The following EHMT1 variants were observed in gnomAD, a reference collection of about 807,000 sequenced individuals.
The protein encoded by EHMT1 is histone-lysine N-methyltransferase EHMT1.
Under a neutral mutation model 147.2 loss-of-function variants are expected in EHMT1, and 15 were observed. The ratio of observed to expected loss-of-function variants is 0.10; its 90% confidence interval spans 0.07 to 0.16. The LOEUF (loss-of-function observed/expected upper bound fraction) is 0.16. Ranked by LOEUF, EHMT1 falls within the 10% of genes least tolerant of loss-of-function variation. The pLI is 1.00. For missense variants in EHMT1, 1,587 were observed against 1,772.4 expected (o/e 0.90, Z 1.88); for synonymous variants, 795 against 709.6 (o/e 1.12, Z -1.91).
At chr9:137,792,461 T>C (rs745728895) in intron 16 of EHMT1, among the ~76,000 whole-genome samples, 6 of 151,916 alleles carry the variant, frequency 3.9e-5, no homozygotes, top group African/African-American at 7.3e-5. Context: ...TCCCAGCACG[T>C]TGGGAGGCTG....
chr9:137,634,672 G>C (rs186981235), intron 1 of EHMT1, among the ~76,000 whole-genome samples: 22 of 136,224 alleles, frequency 1.6e-4, no homozygotes, highest in African/African-American at 5.7e-4. Flanking sequence ...TTGCTTGCTT[G>C]CTTGCTTTTT....
chr9:137,813,050 A>G lies in EHMT1; in HGVS notation c.2912A>G (p.Glu971Gly). Residue 971 changes from glutamate (E) to glycine (G), a missense_variant, in exon 20 of 27, where the codon GAA becomes GGA. Glu to Gly is a moderately conservative substitution (Grantham distance 98). This residue lies in a region of EHMT1 where 201 missense variants were observed against 350.1 expected (regional missense o/e 0.57). Coordinates refer to ENST00000460843, the MANE Select transcript of EHMT1 (RefSeq NM_024757.5). This position sits in a 1 kb window ranked among gnomAD's most constrained non-coding sequence, Gnocchi z 4.9. ...RDSDVTLKNK[E>G]GETPLQCASL... ...TCAGATGTCACCTTAAAGAACAAGG[A>G]AGGAGAGACGCCCCTGCAGTGTGCG... 1 of 1,614,014 alleles carries G rather than the reference A, an allele frequency of 6.2e-7. No homozygotes were observed. Among genetic ancestry groups the G allele is most frequent in the Non-Finnish European group, 8.5e-7 (1 of 1,180,022 alleles).
chr9:137,659,867 C>T (rs77367755), intron 1 of EHMT1, among the ~76,000 whole-genome samples: 215 of 152,186 alleles, frequency 1.4e-3, no homozygotes, highest in African/African-American at 5.0e-3. Flanking sequence ...TGAGGCACTG[C>T]GCTTGGCCCC....
chr9:137,690,715 G>A (rs1049747569), intron 1 of EHMT1, among the ~76,000 whole-genome samples: 7 of 152,090 alleles, frequency 4.6e-5, no homozygotes, highest in South Asian at 2.1e-4. Context: ...GATTACAGGC[G>A]TGTGCCACCA....
chr9:137,771,177 G>A lies in EHMT1; in HGVS notation c.1648-3932G>A, dbSNP rs1450387729. On this transcript the variant is annotated intron_variant, in intron 10 of 26. Coordinates refer to ENST00000460843, the MANE Select transcript of EHMT1 (RefSeq NM_024757.5). ...GTGGCCCTCCAGTTCTCCCCTCAGA[G>A]CTGCCTCCATCTTCCATGTCTTTTT... is the stretch of plus-strand genomic sequence containing the variant. Among the ~76,000 whole-genome samples, 4 of 149,196 alleles carry A rather than the reference G, an allele frequency of 2.7e-5. No individual in the cohort carries two copies. The East Asian group carries it at 7.8e-4, about 29-fold the overall frequency.
chr9:137,823,343 C>A, intron 25 of EHMT1: 1 of 303,286 alleles, frequency 3.3e-6, no homozygotes, highest in South Asian at 2.4e-5. Context: ...TGTGATCTGC[C>A]CATCTCGGCC....
At chr9:137,625,047 A>G (rs1353618817) in intron 1 of EHMT1, among the ~76,000 whole-genome samples, 1 of 151,226 alleles carries the variant, frequency 6.6e-6, no homozygotes, top group East Asian at 2.0e-4. Flanking sequence ...CCGCCCCGCT[A>G]ATTTTTGTAT....
intron 17 of EHMT1, among the ~76,000 whole-genome samples, chr9:137,799,446 A>C (rs1232293425): frequency 6.6e-6 from 1 of 152,152 alleles, no homozygotes; most frequent in Non-Finnish European, 1.5e-5. Flanking sequence ...AGGGTTTGCC[A>C]TGCATGTGTG....
At chr9:137,770,113 A>C (rs1950498640) in intron 10 of EHMT1, among the ~76,000 whole-genome samples, 1 of 152,222 alleles carries the variant, frequency 6.6e-6, no homozygotes, top group South Asian at 2.1e-4. Flanking sequence ...CTGGGATTAC[A>C]GGTGTGAGTC....
intron 3 of EHMT1, among the ~76,000 whole-genome samples, chr9:137,723,658 T>A (rs578044542): frequency 8.6e-4 from 131 of 152,348 alleles, no homozygotes; most frequent in African/African-American, 3.1e-3. Context: ...GCCTGTGGCC[T>A]CTCCACCCTT....
intron 1 of EHMT1, among the ~76,000 whole-genome samples, chr9:137,682,237 C>T (rs111329809): frequency 2.0e-5 from 3 of 152,214 alleles, no homozygotes; most frequent in African/African-American, 4.8e-5. Context: ...CGTGAGCCAC[C>T]GTGTCCGGCC....
Position 137,629,372 on chromosome 9 carries a change from G to A in EHMT1, c.21+10323G>A, listed in dbSNP as rs377651255. Among the ~76,000 whole-genome samples, 82 of 147,340 alleles carry A rather than the reference G, an allele frequency of 5.6e-4. 1 individual carries two copies. The highest frequency in any genetic ancestry group is 1.9e-3 in the African/African-American group (77 of 39,778). On this transcript the variant is annotated intron_variant, in intron 1 of 26. Coordinates refer to ENST00000460843, the MANE Select transcript of EHMT1 (RefSeq NM_024757.5). ...CTCCCAAAGTGTTGGGATTACCGGCGTGAGCCACCACACCTGGCCAGTTTT... is the reference window on the plus strand; with the variant it reads ...CTCCCAAAGTGTTGGGATTACCGGCATGAGCCACCACACCTGGCCAGTTTT...
intron 1 of EHMT1, chr9:137,697,087 C>T (rs1467610410): frequency 7.7e-6 from 3 of 387,690 alleles, no homozygotes; most frequent in South Asian, 1.8e-5. Flanking sequence ...TAGAGACCAG[C>T]CCGGCCAATG....
chr9:137,704,920 TTTC>T (rs960662547), intron 1 of EHMT1, among the ~76,000 whole-genome samples: 1 of 148,238 alleles, frequency 6.7e-6, no homozygotes, highest in African/African-American at 2.5e-5. Flanking sequence ...CTTCCTTTTC[TTTC>T]TTTCCTCCCT....
chr9:137,737,809 A>C (rs1369662861), intron 4 of EHMT1, among the ~76,000 whole-genome samples: 1 of 152,236 alleles, frequency 6.6e-6, no homozygotes, highest in Non-Finnish European at 1.5e-5. Flanking sequence ...AGGAGAAAAT[A>C]TCTGCAAATC....
intron 1 of EHMT1, among the ~76,000 whole-genome samples, chr9:137,670,768 C>G (rs1164004386): frequency 2.6e-5 from 4 of 152,210 alleles, no homozygotes; most frequent in Non-Finnish European, 5.9e-5. Context: ...TCCCTGGGGT[C>G]TAGCGGGGCT....
At chr9:137,789,106 TG>T (rs1952277326) in intron 15 of EHMT1, 1 of 152,398 alleles carries the variant, frequency 6.6e-6, no homozygotes, top group African/African-American at 2.4e-5. Context: ...ACCCGGGTCC[TG>T]GGCGCGGTGT....
Position 137,715,596 on chromosome 9 carries a change from T to A in EHMT1, c.86-1030T>A, listed in dbSNP as rs190842289. ...ACTGAGCTCCGTGTGCACCTAGCGA[T>A]GCCATCGCAGGCTTCCTGCCTCAGC... On this transcript the variant is annotated intron_variant, in intron 2 of 26. Coordinates refer to ENST00000460843, the MANE Select transcript of EHMT1 (RefSeq NM_024757.5). 79 of 985,426 alleles carry A rather than the reference T, an allele frequency of 8.0e-5. No individual in the cohort carries two copies. In the Admixed American group the frequency reaches 1.5e-3, roughly 19 times the overall value. 61.0% of individuals were successfully genotyped at this position (985,426 alleles called of 1,614,324 possible). A position where few individuals can be genotyped will look rare whatever the true frequency, so the allele number is the denominator to read the frequency against.
intron 1 of EHMT1, among the ~76,000 whole-genome samples, chr9:137,656,253 G>A (rs906973585): frequency 1.3e-5 from 2 of 152,102 alleles, no homozygotes; most frequent in South Asian, 4.1e-4. Flanking sequence ...GGCAGCGTGC[G>A]CGTGTAATCC....
Sources: gnomAD v4.1 joint callset for allele counts (sites outside exome capture counted in the v4.1 genomes callset) on GRCh38, gnomAD v4.1.1 for gene constraint, gnomAD v4.1.1 regional missense constraint, Gnocchi (gnomAD v3.1) non-coding constraint, MANE v1.5 for transcripts, NCBI Gene and HGNC (gene_info 2026-07-23, HGNC 2026-07-21) for gene names.